YES1: variants seen among roughly 807,000 people sequenced by gnomAD.
YES1 encodes YES proto-oncogene 1, Src family tyrosine kinase.
A neutral mutation model predicts 70.4 loss-of-function variants in YES1; 39 were observed. That is an observed-to-expected ratio of 0.55 (90% CI 0.43 to 0.72). The LOEUF (loss-of-function observed/expected upper bound fraction) is 0.72, where lower values mean the gene tolerates loss of function less well. YES1 is among the 30% of genes least tolerant of loss of function. YES1 has a pLI of 0.00. For missense variants in YES1, 495 were observed against 644.8 expected, an observed-to-expected ratio of 0.77 and a Z score of 2.52; for synonymous variants, 198 against 218.6, an observed-to-expected ratio of 0.91 and a Z score of 0.83.
At chr18:762,767 A>G (rs1185664810) in intron 1 of YES1, among the ~76,000 whole-genome samples, 1 of 152,208 alleles carries the variant, frequency 6.6e-6, no homozygotes, top group Non-Finnish European at 1.5e-5. Context: ...AAATAAAACC[A>G]AAAACTAAAA....
At chr18:762,568 A>G (rs1904648322) in intron 1 of YES1, among the ~76,000 whole-genome samples, 2 of 152,202 alleles carry the variant, frequency 1.3e-5, no homozygotes, top group South Asian at 4.1e-4. Context: ...ATTTATATGG[A>G]AAAGTCTCTT....
rs138234229 is a variant in YES1 at position 775,607 on chromosome 18, A to C, written c.-8-18772T>G. Among the ~76,000 whole-genome samples, 640 of 152,244 alleles carry C rather than the reference A, an allele frequency of 4.2e-3. 3 individuals are homozygous for C. The highest frequency in any genetic ancestry group is 0.015 in the African/African-American group (611 of 41,530). On this transcript the variant is annotated intron_variant, in intron 1 of 11. Transcript: ENST00000314574. ...AGCCCAGGAGTTTGAGACCACCCTG[A>C]GCAACATAATGAGACCTCATCTCTA...
chr18:796,524 C>A (rs150816701), intron 1 of YES1, among the ~76,000 whole-genome samples: 2 of 152,178 alleles, frequency 1.3e-5, no homozygotes, highest in Non-Finnish European at 2.9e-5. Flanking sequence ...AATCTCAGCA[C>A]TTTGGGAGAC....
chr18:774,322 T>C (rs907048380), intron 1 of YES1, among the ~76,000 whole-genome samples: 1 of 152,220 alleles, frequency 6.6e-6, no homozygotes. Flanking sequence ...AAATACCACC[T>C]GCAAATTGAT....
intron 11 of YES1, among the ~76,000 whole-genome samples, chr18:732,443 AAAAAAAAAAAAAAAC>A (rs1299185445): frequency 2.1e-5 from 3 of 144,044 alleles, no homozygotes; most frequent in Non-Finnish European, 3.0e-5. Context: ...TTTAAAAAAA[AAAAAAAAAAAAAAAC>A]AAAACACCAA....
chr18:796,676 T>C (rs1385212033), intron 1 of YES1, among the ~76,000 whole-genome samples: 3 of 152,118 alleles, frequency 2.0e-5, no homozygotes, highest in Non-Finnish European at 4.4e-5. Flanking sequence ...GAGAATCACT[T>C]GAACCCGGGA....
intron 3 of YES1, among the ~76,000 whole-genome samples, chr18:749,675 G>A (rs1051328939): frequency 5.9e-5 from 9 of 151,674 alleles, no homozygotes; most frequent in Non-Finnish European, 1.3e-4. Context: ...CTAACACGGT[G>A]AAACCCCGTC....
At chr18:780,819 C>G (rs1905621277) in intron 1 of YES1, among the ~76,000 whole-genome samples, 1 of 152,206 alleles carries the variant, frequency 6.6e-6, no homozygotes, top group East Asian at 1.9e-4. Flanking sequence ...GCCTCTTTAA[C>G]TGACTTCCAT....
chr18:778,108 G>A (rs1905476557), intron 1 of YES1, among the ~76,000 whole-genome samples: 1 of 152,088 alleles, frequency 6.6e-6, no homozygotes, highest in Non-Finnish European at 1.5e-5. Flanking sequence ...GGACAAGTAG[G>A]CATAATCTCT....
chr18:763,918 G>A (rs12458128), intron 1 of YES1, among the ~76,000 whole-genome samples: 41,741 of 151,528 alleles, frequency 0.28, 5,829 homozygotes, highest in East Asian at 0.42. Flanking sequence ...TCAGGAGATC[G>A]AGACCATCCT....
intron 11 of YES1, among the ~76,000 whole-genome samples, chr18:731,124 G>A (rs1413946748): frequency 6.6e-6 from 1 of 152,178 alleles, no homozygotes; most frequent in East Asian, 1.9e-4. Context: ...TGGAAAGATG[G>A]CAAGTGGTGG....
chr18:755,681 C>T (rs1351307599), intron 2 of YES1, among the ~76,000 whole-genome samples: 7 of 152,240 alleles, frequency 4.6e-5, no homozygotes, highest in Middle Eastern at 3.4e-3. Context: ...TGATTTGATG[C>T]TGGCAGCTGT....
intron 6 of YES1, 33 bp downstream of exon 6, chr18:745,675 G>T (rs1477439604): frequency 6.4e-7 from 1 of 1,568,062 alleles, no homozygotes. Context: ...AGAATATGAA[G>T]AAATAATTTT....
At chr18:726,644 G>A (rs1260222571) in intron 11 of YES1, among the ~76,000 whole-genome samples, 1 of 149,844 alleles carries the variant, frequency 6.7e-6, no homozygotes, top group Non-Finnish European at 1.5e-5. Flanking sequence ...ACTGGGCATG[G>A]TGGGCACACA....
At chr18:778,546 T>C (rs1400909963) in intron 1 of YES1, among the ~76,000 whole-genome samples, 1 of 152,248 alleles carries the variant, frequency 6.6e-6, no homozygotes, top group Non-Finnish European at 1.5e-5. Context: ...AGTTAACTAA[T>C]TGTGACATTA....
At chr18:774,092 A>G (rs571765760) in intron 1 of YES1, among the ~76,000 whole-genome samples, 36 of 152,160 alleles carry the variant, frequency 2.4e-4, no homozygotes, top group African/African-American at 8.7e-4. Flanking sequence ...TGGCCTCCCA[A>G]AGTGCTGGGA....
At chr18:749,307 A>G (rs1219767902) in intron 3 of YES1, among the ~76,000 whole-genome samples, 1 of 151,696 alleles carries the variant, frequency 6.6e-6, no homozygotes, top group East Asian at 2.0e-4. Flanking sequence ...CAGCCTGGCC[A>G]ACATGGTGAA....
At chr18:732,708 G>T in intron 11 of YES1, 126 bp downstream of exon 11, 2 of 1,241,304 alleles carry the variant, frequency 1.6e-6, no homozygotes, top group Non-Finnish European at 1.1e-6. Context: ...AAGGAGTGGG[G>T]AGAGGGAGAG....
chr18:789,615 AC>A (rs2145813590), intron 1 of YES1, among the ~76,000 whole-genome samples: 2 of 152,286 alleles, frequency 1.3e-5, no homozygotes, highest in African/African-American at 4.8e-5. Context: ...AAACAAAAAA[AC>A]CCAACAACGT....
Sources: allele counts gnomAD v4.1 joint callset (sites outside exome capture counted in the v4.1 genomes callset), GRCh38; gene constraint gnomAD v4.1.1; transcripts MANE v1.5; gene names NCBI Gene and HGNC (gene_info 2026-07-23, HGNC 2026-07-21).